The following DPP6 variants were observed in gnomAD, a reference collection of about 807,000 sequenced individuals.
The protein encoded by DPP6 is dipeptidyl peptidase like 6.
In DPP6, 69 loss-of-function variants were observed where a neutral mutation model predicts 122.6. That is an observed-to-expected ratio of 0.56 (90% confidence interval 0.46 to 0.69). The LOEUF is 0.69. Ranked by LOEUF, DPP6 falls within the 30% of genes least tolerant of loss-of-function variation. The pLI is 0.00. For missense variants in DPP6, 928 were observed against 1,116.9 expected, an observed-to-expected ratio of 0.83 and a Z score of 2.41; for synonymous variants, 418 against 433.1, an observed-to-expected ratio of 0.97 and a Z score of 0.43.
intron 16 of DPP6, among the ~76,000 whole-genome samples, chr7:154,817,191 A>G (rs1330286652): frequency 6.6e-6 from 1 of 152,186 alleles, no homozygotes; most frequent in Non-Finnish European, 1.5e-5. Context: ...CAGAGCAGTG[A>G]GTAAGGCAGG....
intron 12 of DPP6, among the ~76,000 whole-genome samples, 182 bp from the exon 13 acceptor site, chr7:154,801,173 G>C (rs576912473): frequency 6.6e-6 from 1 of 152,000 alleles, no homozygotes; most frequent in African/African-American, 2.4e-5. Flanking sequence ...TTTAGAAAAC[G>C]TAACAGTTGA....
rs57625295 is a variant in DPP6 at position 154,732,439 on chromosome 7, T to G, written c.883+4552T>G. Among the ~76,000 whole-genome samples, 368 of 152,306 alleles carry G rather than the reference T, an allele frequency of 2.4e-3. 2 individuals carry two copies. The highest frequency in any genetic ancestry group is 8.4e-3 in the African/African-American group (348 of 41,568). The stretch of plus-strand genomic sequence containing the variant: ...TGCATATGCATATCCAAAATACATA[T>G]AATTATTCAGTGATATGCCATTATC... On this transcript the variant is annotated intron_variant, in intron 8 of 25. Transcript: ENST00000377770.
At chr7:154,575,621 GGT>G (rs1226015409) in intron 5 of DPP6, among the ~76,000 whole-genome samples, 11 of 132,826 alleles carry the variant, frequency 8.3e-5, no homozygotes, top group Admixed American at 1.5e-4. Context: ...ATGTGTGTGT[GGT>G]GTGTGTGTGG....
At position 154,695,766 on chromosome 7, in the gene DPP6, G is replaced by C. The variant is rs55724552; in HGVS notation, c.762+26325G>C. On this transcript the variant is annotated intron_variant, in intron 7 of 25. Transcript: ENST00000377770. The stretch of plus-strand genomic sequence containing the variant: ...GCCGAGGGTAGGAGAATGCTGGCCT[G>C]GTTCTAAGTCATTGGCCCTGCGGCA... Among the ~76,000 whole-genome samples the C allele has an allele frequency of 8.2e-3, 1,245 of 152,300 alleles. 18 individuals are homozygous for C. The highest frequency in any genetic ancestry group is 0.028 in the African/African-American group (1,179 of 41,566).
intron 1 of DPP6, among the ~76,000 whole-genome samples, chr7:154,284,003 G>T (rs2150954909): frequency 6.6e-6 from 1 of 152,244 alleles, no homozygotes; most frequent in African/African-American, 2.4e-5. Flanking sequence ...TTCAAACATT[G>T]CCTCATGTTG....
At chr7:153,886,442 G>A (rs1021769346), upstream of DPP6, among the ~76,000 whole-genome samples, 4 of 152,182 alleles carry the variant, frequency 2.6e-5, no homozygotes, top group African/African-American at 9.6e-5. Context: ...AGGGTAGGGA[G>A]AGCCGTGGGC....
chr7:154,460,229 G>A (rs970366378), intron 2 of DPP6, among the ~76,000 whole-genome samples: 11 of 151,978 alleles, frequency 7.2e-5, no homozygotes, highest in African/African-American at 2.4e-4. Context: ...TGATCCACCC[G>A]CCTTGGCCTC....
At chr7:154,313,746 C>CATACAT (rs1171371557) in intron 1 of DPP6, among the ~76,000 whole-genome samples, 1 of 26,230 alleles carries the variant, frequency 3.8e-5, no homozygotes, top group African/African-American at 1.7e-4. Flanking sequence ...CACACACACA[C>CATACAT]ACACACCCTT....
At chr7:154,258,962 C>G (rs147187579) in intron 1 of DPP6, among the ~76,000 whole-genome samples, 1 of 151,658 alleles carries the variant, frequency 6.6e-6, no homozygotes, top group African/African-American at 2.4e-5. Flanking sequence ...CCAGAGTTCA[C>G]TCGGAGGAGT....
intron 16 of DPP6, among the ~76,000 whole-genome samples, chr7:154,824,908 C>T (rs969400422): frequency 2.6e-5 from 4 of 152,190 alleles, no homozygotes; most frequent in South Asian, 2.1e-4. Flanking sequence ...TGACAGGAAC[C>T]GTTGTGACTC....
chr7:154,082,257 A>G (rs1314350680), intron 1 of DPP6, among the ~76,000 whole-genome samples: 1 of 152,176 alleles, frequency 6.6e-6, no homozygotes, highest in Non-Finnish European at 1.5e-5. Context: ...AGAACTCTGC[A>G]GAAGTCCTTT....
chr7:153,752,109 G>A, the DPP6 span, among the ~76,000 whole-genome samples: 5 of 152,108 alleles, frequency 3.3e-5, no homozygotes, highest in East Asian at 1.9e-4. Context: ...ATCCATGTGT[G>A]GGGCTCGCAG....
chr7:153,797,940 C>A, the DPP6 span, among the ~76,000 whole-genome samples: 1 of 152,142 alleles, frequency 6.6e-6, no homozygotes, highest in Non-Finnish European at 1.5e-5. Flanking sequence ...CTTCTGGGTT[C>A]ACGCCATTCT....
chr7:153,901,529 A>G (rs1403434478), intron 1 of DPP6, among the ~76,000 whole-genome samples: 1 of 152,262 alleles, frequency 6.6e-6, no homozygotes, highest in Non-Finnish European at 1.5e-5. Flanking sequence ...AGAAGAAGGT[A>G]AGGAGAAAGT....
intron 1 of DPP6, among the ~76,000 whole-genome samples, chr7:154,319,281 C>A (rs775692086): frequency 1.3e-5 from 2 of 152,158 alleles, no homozygotes; most frequent in Non-Finnish European, 2.9e-5. Flanking sequence ...CTAACACAGG[C>A]GAGATTTTTA....
the DPP6 span, among the ~76,000 whole-genome samples, chr7:153,847,907 G>A: frequency 3.3e-5 from 5 of 152,196 alleles, no homozygotes; most frequent in East Asian, 1.9e-4. Flanking sequence ...TCACAGCCAC[G>A]TTGGCAATGT....
At chr7:154,889,162 T>C in intron 23 of DPP6, 110 bp from the exon 24 acceptor site, 3 of 1,463,592 alleles carry the variant, frequency 2.0e-6, no homozygotes, top group South Asian at 2.9e-5. Flanking sequence ...TCCGGGAACT[T>C]AGTGTTTTCA....
chr7:154,771,754 G>T (rs1220183196), intron 9 of DPP6, among the ~76,000 whole-genome samples: 1 of 152,180 alleles, frequency 6.6e-6, no homozygotes, highest in Non-Finnish European at 1.5e-5. Context: ...GCATGGATTT[G>T]CCTTCGACAG....
At chr7:153,805,100 G>T in the DPP6 span, among the ~76,000 whole-genome samples, 3 of 152,108 alleles carry the variant, frequency 2.0e-5, no homozygotes, top group East Asian at 3.9e-4. Flanking sequence ...ATTGATATGT[G>T]GCAAAAATCA....
Sources: allele counts gnomAD v4.1 joint callset (sites outside exome capture counted in the v4.1 genomes callset), GRCh38; gene constraint gnomAD v4.1.1; transcripts MANE v1.5; gene names NCBI Gene and HGNC (gene_info 2026-07-23, HGNC 2026-07-21).